The following BRWD1 variants were observed in gnomAD, a reference collection of about 807,000 sequenced individuals.
BRWD1 encodes the protein bromodomain and WD repeat-containing protein 1.
In BRWD1, 82 loss-of-function variants were observed where a neutral mutation model predicts 251.2. The observed-to-expected ratio is 0.33, with a 90% CI of 0.27 to 0.39. BRWD1 has a LOEUF of 0.39. Ranked by LOEUF, BRWD1 falls within the 10% of genes least tolerant of loss-of-function variation. The pLI, the probability that BRWD1 is intolerant of heterozygous loss-of-function variation, is 1.00. For synonymous variants in BRWD1, 918 were observed against 902.8 expected, an observed-to-expected ratio of 1.02 and a Z score of -0.30; for missense variants, 2,233 against 2,711.6, an observed-to-expected ratio of 0.82 and a Z score of 3.92.
In BRWD1 at chr21:39,312,631, G is replaced by A. The variant is rs1291090508; in HGVS notation, c.198+210C>T. On this transcript the variant is annotated intron_variant, in intron 4 of 40. Coordinates refer to ENST00000342449, the MANE Select transcript of BRWD1 (RefSeq NM_033656.4). ...AGTCGCCCCCACCGCTCCGCCCCGC[G>A]CCGCCCCCAATGACTGTTTCCTGCC... 2.3e-5 allele frequency: 9 copies of A among 387,440 alleles called. 1 individual carries two copies. Among genetic ancestry groups the A allele is most frequent in the South Asian group, 2.3e-4 (7 of 30,172 alleles). The allele number at this position is 387,440 out of a possible 1,614,324, so 24.0% of individuals were successfully genotyped here.
rs1336467011 is a variant in BRWD1, at chr21:39,210,095, G to C, written c.4097C>G (p.Thr1366Ser). The C allele has an allele frequency of 2.5e-6, 4 of 1,613,114 alleles. No homozygotes were observed. In the Admixed American group the frequency reaches 5.0e-5, roughly 20 times the overall value. ...GCTGTCATAATTTCCCGCATCTAGA[G>C]TTTCCCTTACTGTTCCAAAATCCAT... ...TPMDFGTVRE[T>S]LDAGNYDSPL... is the part of the protein sequence containing the mutation. Residue 1366 changes from threonine (T) to serine (S), a missense_variant, in exon 36 of 41, where the codon ACT becomes AGT. Physicochemically the swap from Thr to Ser is moderately conservative, Grantham distance 58. This residue lies in a region of BRWD1 where 69 missense variants were observed against 101.6 expected (regional missense o/e 0.68). Transcript: ENST00000342449.
chr21:39,274,298 AGAGAGC>A (rs761043879), intron 13 of BRWD1, 70 bp downstream of exon 13: 6 of 1,028,400 alleles, frequency 5.8e-6, no homozygotes, highest in Non-Finnish European at 1.5e-6. Flanking sequence ...TGAGAGACAC[AGAGAGC>A]GAGAGAGAGA....
At chr21:39,315,233 G>C (rs1049435859), upstream of BRWD1, among the ~76,000 whole-genome samples, 4 of 151,924 alleles carry the variant, frequency 2.6e-5, no homozygotes, top group African/African-American at 9.7e-5. Context: ...CGAACTCCTG[G>C]CCTCAGGTGA....
chr21:39,203,903 G>A (rs548328759), intron 37 of BRWD1, among the ~76,000 whole-genome samples: 7 of 136,442 alleles, frequency 5.1e-5, no homozygotes, highest in African/African-American at 1.4e-4. Flanking sequence ...TGTAATCCCA[G>A]CACTTTGGAA....
intron 32 of BRWD1, among the ~76,000 whole-genome samples, chr21:39,214,880 CT>C (rs11337511): frequency 0.88 from 102,896 of 117,508 alleles, 44,908 homozygotes; most frequent in African/African-American, 0.92. Flanking sequence ...TTTTTTTTTC[CT>C]TTTTTTTTTT....
intron 26 of BRWD1, among the ~76,000 whole-genome samples, chr21:39,228,887 C>T (rs1394102386): frequency 6.6e-6 from 1 of 152,188 alleles, no homozygotes; most frequent in African/African-American, 2.4e-5. Context: ...ATGCCTCATA[C>T]TCTGCCAAGT....
rs971786592 is a variant in BRWD1, at chr21:39,186,362, AAAC to A, written c.*9894_*9896del. 1.3e-5 allele frequency: 2 copies of A among 152,202 alleles called. No individual in the cohort carries two copies. Among genetic ancestry groups the A allele is most frequent in the Non-Finnish European group, 2.9e-5 (2 of 68,022 alleles). The allele number at this position is 152,202 out of a possible 1,614,324, so 9.4% of individuals were successfully genotyped here. On this transcript the variant is annotated 3_prime_UTR_variant, in exon 41 of 41. Transcript: ENST00000342449. ...CATTCAGTATGAACTGCAATATTAT[AAAC>A]AAAATGACATCAATGGACTTTCTCT...
chr21:39,280,564 C>T (rs544888446), intron 8 of BRWD1, among the ~76,000 whole-genome samples: 1 of 152,048 alleles, frequency 6.6e-6, no homozygotes, highest in East Asian at 1.9e-4. Flanking sequence ...AAACAGGGTA[C>T]ACTGATAGAA....
At chr21:39,231,257 CTT>C (rs1311221536) in intron 25 of BRWD1, among the ~76,000 whole-genome samples, 4 of 152,266 alleles carry the variant, frequency 2.6e-5, no homozygotes, top group African/African-American at 9.6e-5. Context: ...TGATGTTGTT[CTT>C]TTGATTGGCT....
At chr21:39,316,686 C>G (rs558261537), upstream of BRWD1, among the ~76,000 whole-genome samples, 5 of 152,314 alleles carry the variant, frequency 3.3e-5, no homozygotes, top group African/African-American at 1.2e-4. Flanking sequence ...CACCTGTAAT[C>G]CCAGCGCTTT....
rs2031858499 is a variant in BRWD1, at chr21:39,197,046, T to G, written c.6023A>C (p.Lys2008Thr). Residue 2008 changes from lysine to threonine, a missense_variant, in exon 41 of 41, where the codon AAA (lysine) becomes ACA (threonine). Physicochemically the swap from Lys to Thr is moderately conservative, Grantham distance 78. Transcript: ENST00000342449. ...PPDPDSEGST[K>T]VLSQALNGDS... ...TCCATTTAGAGCCTGACTAAGCACT[T>G]TTGTACTACCTTCGGAGTCAGGATC... 1 of 1,614,010 alleles carries G rather than the reference T, an allele frequency of 6.2e-7. No individual in the cohort carries two copies. Among genetic ancestry groups the G allele is most frequent in the Non-Finnish European group, 8.5e-7 (1 of 1,179,952 alleles).
At chr21:39,274,571 C>CTGTTGT in intron 12 of BRWD1, 99 bp from the exon 13 acceptor site, 1 of 946,624 alleles carries the variant, frequency 1.1e-6, no homozygotes, top group Non-Finnish European at 1.7e-6. Flanking sequence ...TGAAGCTGTC[C>CTGTTGT]TAACAACAGG....
At chr21:39,298,630 A>G in intron 4 of BRWD1, 48 bp from the exon 5 acceptor site, 2 of 1,428,972 alleles carry the variant, frequency 1.4e-6, no homozygotes, top group Non-Finnish European at 1.9e-6. Flanking sequence ...AATATCAAAA[A>G]CTATTAAATA....
chr21:39,223,846 A>G (rs1484006928), intron 29 of BRWD1, among the ~76,000 whole-genome samples: 1 of 152,064 alleles, frequency 6.6e-6, no homozygotes, highest in East Asian at 1.9e-4. Context: ...TGAAGGATGT[A>G]AATTTTTTGT....
chr21:39,297,917 T>G, intron 5 of BRWD1: 1 of 984,962 alleles, frequency 1.0e-6, no homozygotes, highest in Non-Finnish European at 1.2e-6. Flanking sequence ...TTTCAAACAT[T>G]TTGCTAGCAC....
chr21:39,274,284 C>A, intron 13 of BRWD1, 90 bp downstream of exon 13: 1 of 1,037,252 alleles, frequency 9.6e-7, no homozygotes, highest in Admixed American at 1.9e-5. Flanking sequence ...AACAAAATAA[C>A]CACTGAGAGA....
intron 9 of BRWD1, 84 bp from the exon 10 acceptor site, chr21:39,278,897 T>C (rs1284998114): frequency 9.4e-7 from 1 of 1,062,606 alleles, no homozygotes; most frequent in Non-Finnish European, 1.3e-6. Flanking sequence ...ATCTAGCATA[T>C]TTAAATATTA....
chr21:39,206,667 G>A (rs1274234395), intron 36 of BRWD1, among the ~76,000 whole-genome samples: 1 of 152,070 alleles, frequency 6.6e-6, no homozygotes, highest in Non-Finnish European at 1.5e-5. Flanking sequence ...CTTTCTTTGG[G>A]GCAAGGGAAC....
At chr21:39,281,301 G>GA (rs1235240945) in intron 8 of BRWD1, among the ~76,000 whole-genome samples, 1 of 152,112 alleles carries the variant, frequency 6.6e-6, no homozygotes, top group Non-Finnish European at 1.5e-5. Context: ...AGCCAAGAGG[G>GA]AACCCAGTTA....
Sources: gnomAD v4.1 joint callset for allele counts (sites outside exome capture counted in the v4.1 genomes callset) on GRCh38, gnomAD v4.1.1 for gene constraint, gnomAD v4.1.1 regional missense constraint, MANE v1.5 for transcripts, NCBI Gene and HGNC (gene_info 2026-07-23, HGNC 2026-07-21) for gene names.